The following LITAF variants were observed in gnomAD, a reference collection of about 807,000 sequenced individuals.
LITAF encodes lipopolysaccharide-induced tumor necrosis factor-alpha factor.
Under a neutral mutation model 14.5 loss-of-function variants are expected in LITAF, and 9 were observed. That is an observed-to-expected ratio of 0.62 (90% confidence interval 0.37 to 1.08). LITAF has a LOEUF of 1.08. Among genes scored for constraint, LITAF ranks in the 50% least tolerant of loss-of-function variants. The pLI is 0.01. For missense variants in LITAF, 206 were observed against 213.4 expected, an observed-to-expected ratio of 0.97 and a Z score of 0.22; for synonymous variants, 98 against 88.2, an observed-to-expected ratio of 1.11 and a Z score of -0.62.
At chr16:11,574,053 T>C (rs1231659999) in intron 1 of LITAF, among the ~76,000 whole-genome samples, 1 of 147,794 alleles carries the variant, frequency 6.8e-6, no homozygotes, top group Non-Finnish European at 1.5e-5. Flanking sequence ...TCTCACTGGG[T>C]TTTTTAAAGA....
intron 1 of LITAF, among the ~76,000 whole-genome samples, chr16:11,571,702 G>A (rs1488098018): frequency 1.3e-5 from 2 of 152,184 alleles, no homozygotes; most frequent in African/African-American, 2.4e-5. Flanking sequence ...CCATCTCTAG[G>A]TGGGAGTGGG....
chr16:11,620,058 C>T (rs2065040720), intron 3 of LITAF, among the ~76,000 whole-genome samples: 1 of 150,712 alleles, frequency 6.6e-6, no homozygotes, highest in African/African-American at 2.4e-5. Context: ...ATCCCAGCTA[C>T]TTGGGAGGCT....
intron 3 of LITAF, among the ~76,000 whole-genome samples, chr16:11,626,646 T>A (rs1404184871): frequency 6.6e-6 from 1 of 151,804 alleles, no homozygotes; most frequent in African/African-American, 2.4e-5. Context: ...CCTGTAATTT[T>A]TTTTTAGTAG....
intron 1 of LITAF, among the ~76,000 whole-genome samples, chr16:11,564,442 C>T (rs1488353876): frequency 6.6e-6 from 1 of 152,206 alleles, no homozygotes; most frequent in African/African-American, 2.4e-5. Flanking sequence ...CAAGCTGCTA[C>T]TTCGGGCACT....
At chr16:11,592,679 G>A (rs986095192) in intron 1 of LITAF, among the ~76,000 whole-genome samples, 3 of 151,756 alleles carry the variant, frequency 2.0e-5, no homozygotes, top group Non-Finnish European at 4.4e-5. Flanking sequence ...TCACTAGTCA[G>A]CAAGGAAATA....
intron 1 of LITAF, among the ~76,000 whole-genome samples, chr16:11,576,484 GTAAA>G (rs1567248794): frequency 1.0e-5 from 1 of 100,272 alleles, no homozygotes; most frequent in African/African-American, 3.8e-5. Flanking sequence ...AAATAAATAA[GTAAA>G]TAAATAAATA....
In LITAF at chr16:11,547,787, G is replaced by T; in HGVS notation, c.*1850C>A. The T allele has an allele frequency of 2.2e-6, 1 of 454,050 alleles. No homozygotes were observed. Among genetic ancestry groups the T allele is most frequent in the Non-Finnish European group, 4.4e-6 (1 of 226,790 alleles). 28.1% of individuals were successfully genotyped at this position (454,050 alleles called of 1,614,324 possible). ...TTGCCGCCATCAATGACGCCTATTG[G>T]GTTCCAATAGCCTCATGTTCAAATC... On this transcript the variant is annotated 3_prime_UTR_variant, in exon 4 of 4. Transcript: ENST00000622633.
chr16:11,599,797 G>A (rs189083254), upstream of LITAF, among the ~76,000 whole-genome samples: 5 of 152,110 alleles, frequency 3.3e-5, no homozygotes, highest in East Asian at 1.9e-4. Flanking sequence ...GAACTGTCCT[G>A]CCTCAGGACC....
chr16:11,571,065 T>G (rs1165479092), intron 1 of LITAF, among the ~76,000 whole-genome samples: 4 of 152,036 alleles, frequency 2.6e-5, no homozygotes, highest in African/African-American at 9.7e-5. Flanking sequence ...CAGCTGACAC[T>G]GCTATTTTTT....
At chr16:11,596,988 G>A (rs939170112) in intron 1 of LITAF, among the ~76,000 whole-genome samples, 3 of 152,128 alleles carry the variant, frequency 2.0e-5, no homozygotes, top group Non-Finnish European at 4.4e-5. Context: ...AGCCCAGACA[G>A]GTAAAGTAAC....
intron 1 of LITAF, among the ~76,000 whole-genome samples, chr16:11,580,162 C>A (rs61608277): frequency 6.6e-6 from 1 of 152,048 alleles, no homozygotes; most frequent in African/African-American, 2.4e-5. Context: ...AAAAAAGATC[C>A]AAAATCTGAA....
At chr16:11,610,220 C>A (rs1056449345) in intron 3 of LITAF, among the ~76,000 whole-genome samples, 1 of 152,206 alleles carries the variant, frequency 6.6e-6, no homozygotes, top group Non-Finnish European at 1.5e-5. Context: ...AGAAACCTGT[C>A]CCAGGGGAAA....
At position 11,556,748 on chromosome 16, in the gene LITAF, CAG is replaced by C; in HGVS notation, c.-5-15_-5-14del. 1 of 1,595,998 alleles carries C rather than the reference CAG, an allele frequency of 6.3e-7. No individual in the cohort carries two copies. Among genetic ancestry groups the C allele is most frequent in the South Asian group, 1.1e-5 (1 of 90,668 alleles). ...ACCGACATTTTACCTAAAACAGAAACAGAACATACCAGATAAGAAATTCAGTT... is the reference window on the plus strand; with the variant it reads ...ACCGACATTTTACCTAAAACAGAAACAACATACCAGATAAGAAATTCAGTT... On this transcript the variant is annotated splice_polypyrimidine_tract_variant and intron_variant, in intron 1 of 3. Coordinates refer to ENST00000622633, the MANE Select transcript of LITAF (RefSeq NM_001136472.2).
At chr16:11,579,279 G>A (rs1478477742) in intron 1 of LITAF, among the ~76,000 whole-genome samples, 7 of 150,238 alleles carry the variant, frequency 4.7e-5, no homozygotes, top group East Asian at 2.0e-4. Flanking sequence ...GTGAAACCCC[G>A]TCTCTACTAA....
chr16:11,600,526 T>A (rs1238287964), upstream of LITAF, among the ~76,000 whole-genome samples: 1 of 152,222 alleles, frequency 6.6e-6, no homozygotes, highest in African/African-American at 2.4e-5. This position sits in a 1 kb window ranked among gnomAD's most constrained non-coding sequence, Gnocchi z 4.1. Flanking sequence ...AGTTAAATTC[T>A]CGGACTGGAT....
chr16:11,589,826 G>A (rs2064837387), upstream of LITAF, among the ~76,000 whole-genome samples: 1 of 151,588 alleles, frequency 6.6e-6, no homozygotes, highest in Non-Finnish European at 1.5e-5. Flanking sequence ...GCTTTGCTAT[G>A]TTGCCCAGAC....
At chr16:11,559,786 G>A (rs2064330630) in intron 1 of LITAF, among the ~76,000 whole-genome samples, 1 of 149,372 alleles carries the variant, frequency 6.7e-6, no homozygotes, top group Middle Eastern at 3.4e-3. Context: ...CTTGAGCCCA[G>A]GCATTCTAGA....
At chr16:11,569,944 T>C (rs750160132) in intron 1 of LITAF, among the ~76,000 whole-genome samples, 62 of 151,654 alleles carry the variant, frequency 4.1e-4, no homozygotes, top group Middle Eastern at 3.4e-3. Flanking sequence ...TGAGGCAGAA[T>C]TGCTTGAACC....
upstream of LITAF, among the ~76,000 whole-genome samples, chr16:11,602,643 C>T (rs2064934581): frequency 6.6e-6 from 1 of 151,730 alleles, no homozygotes; most frequent in Non-Finnish European, 1.5e-5. Flanking sequence ...ATAGACTACA[C>T]AACTCCAGAT....
Sources: gnomAD v4.1 joint callset for allele counts (sites outside exome capture counted in the v4.1 genomes callset) on GRCh38, gnomAD v4.1.1 for gene constraint, Gnocchi (gnomAD v3.1) non-coding constraint, MANE v1.5 for transcripts, NCBI Gene and HGNC (gene_info 2026-07-23, HGNC 2026-07-21) for gene names.